Variants in LINGO2 observed in about 807,000 individuals in gnomAD.
LINGO2 encodes the protein leucine-rich repeat and immunoglobulin-like domain-containing nogo receptor-interacting protein 2.
Under a neutral mutation model 30.6 loss-of-function variants are expected in LINGO2, and 14 were observed. That is an observed-to-expected ratio of 0.46 (90% CI 0.30 to 0.72). LINGO2 has a LOEUF of 0.72. LINGO2 is among the 30% of genes least tolerant of loss of function. The pLI, the probability that LINGO2 is intolerant of heterozygous loss-of-function variation, is 0.07. For synonymous variants in LINGO2, 317 were observed against 288.5 expected, an observed-to-expected ratio of 1.10 and a Z score of -1.00; for missense variants, 729 against 751.7, an observed-to-expected ratio of 0.97 and a Z score of 0.35.
chr9:29,105,636 GA>G, the LINGO2 span, among the ~76,000 whole-genome samples: 1 of 152,194 alleles, frequency 6.6e-6, no homozygotes, highest in East Asian at 1.9e-4. Context: ...CCAATCAACT[GA>G]TTTTGAGCTA....
intron 1 of LINGO2, among the ~76,000 whole-genome samples, chr9:28,488,654 T>C (rs1278518430): frequency 6.6e-6 from 1 of 152,180 alleles, no homozygotes; most frequent in Non-Finnish European, 1.5e-5. Flanking sequence ...AGTTTTTTTG[T>C]GTATTTGGAA....
chr9:28,924,283 C>T, the LINGO2 span, among the ~76,000 whole-genome samples: 60 of 152,208 alleles, frequency 3.9e-4, no homozygotes, highest in African/African-American at 1.4e-3. Context: ...AACAGTGGTG[C>T]AATCTCAGCT....
At chr9:28,498,069 C>G (rs1254047782) in intron 1 of LINGO2, among the ~76,000 whole-genome samples, 1 of 152,152 alleles carries the variant, frequency 6.6e-6, no homozygotes, top group Non-Finnish European at 1.5e-5. Flanking sequence ...TCTGCCCCTA[C>G]TCGGGGGTGC....
the LINGO2 span, among the ~76,000 whole-genome samples, chr9:29,078,768 T>G: frequency 6.6e-6 from 1 of 151,988 alleles, no homozygotes; most frequent in Admixed American, 6.6e-5. Context: ...AATAGACATA[T>G]GGCTTCTGTG....
the LINGO2 span, among the ~76,000 whole-genome samples, chr9:29,102,983 G>C: frequency 1.3e-5 from 2 of 151,706 alleles, no homozygotes; most frequent in African/African-American, 4.8e-5. Context: ...GCTGAAGATG[G>C]AAATGATAAT....
chr9:28,170,357 C>T (rs570827797), intron 4 of LINGO2, among the ~76,000 whole-genome samples: 7 of 152,086 alleles, frequency 4.6e-5, no homozygotes, highest in African/African-American at 9.7e-5. Context: ...CAGCTTCCAC[C>T]GGCATGTAAG....
the LINGO2 span, among the ~76,000 whole-genome samples, chr9:28,999,505 T>A: frequency 6.6e-6 from 1 of 152,070 alleles, no homozygotes; most frequent in Admixed American, 6.6e-5. Flanking sequence ...AAATATTGAC[T>A]AATAAACTAT....
At chr9:28,055,447 G>C (rs1054914564) in intron 4 of LINGO2, among the ~76,000 whole-genome samples, 6 of 152,128 alleles carry the variant, frequency 3.9e-5, no homozygotes, top group East Asian at 1.9e-4. Context: ...GGCATTTGCA[G>C]CAAGTCTGTT....
the LINGO2 span, among the ~76,000 whole-genome samples, chr9:28,964,734 A>G: frequency 6.6e-6 from 1 of 152,002 alleles, no homozygotes; most frequent in Non-Finnish European, 1.5e-5. Flanking sequence ...GAACATGAGG[A>G]AACAGAGTAG....
At chr9:28,857,819 G>A in the LINGO2 span, among the ~76,000 whole-genome samples, 1 of 151,858 alleles carries the variant, frequency 6.6e-6, no homozygotes. Context: ...TTTTTACACT[G>A]ATTGTTGAAA....
At chr9:28,833,219 C>G in the LINGO2 span, among the ~76,000 whole-genome samples, 1 of 152,144 alleles carries the variant, frequency 6.6e-6, no homozygotes, top group African/African-American at 2.4e-5. Flanking sequence ...CAGTGAACCC[C>G]TTGACTTTTG....
At chr9:28,946,327 A>G in the LINGO2 span, among the ~76,000 whole-genome samples, 1 of 152,182 alleles carries the variant, frequency 6.6e-6, no homozygotes, top group Non-Finnish European at 1.5e-5. Context: ...AACTTTTAAA[A>G]TCAATCCGAA....
intron 4 of LINGO2, among the ~76,000 whole-genome samples, chr9:28,048,643 T>C (rs1824531162): frequency 6.6e-6 from 1 of 150,856 alleles, no homozygotes. Flanking sequence ...GAATTTCTAA[T>C]TATTCAACAA....
At chr9:28,898,232 T>C in the LINGO2 span, among the ~76,000 whole-genome samples, 1 of 152,138 alleles carries the variant, frequency 6.6e-6, no homozygotes, top group East Asian at 1.9e-4. Context: ...GATAAGACAA[T>C]AGACCAAATC....
At chr9:29,208,231 G>T in the LINGO2 span, among the ~76,000 whole-genome samples, 7 of 151,936 alleles carry the variant, frequency 4.6e-5, no homozygotes, top group African/African-American at 1.7e-4. Flanking sequence ...ATACTCACAA[G>T]AAGAAGAAAA....
chr9:29,186,225 A>G, the LINGO2 span, among the ~76,000 whole-genome samples: 1 of 152,176 alleles, frequency 6.6e-6, no homozygotes, highest in South Asian at 2.1e-4. Context: ...AATTATTACT[A>G]TTTTTAACAA....
intron 3 of LINGO2, among the ~76,000 whole-genome samples, chr9:28,347,642 G>A (rs772586199): frequency 2.4e-4 from 36 of 152,074 alleles, no homozygotes; most frequent in Non-Finnish European, 3.7e-4. Context: ...TTACATGTTC[G>A]AATAAGCTAA....
the LINGO2 span, among the ~76,000 whole-genome samples, chr9:28,952,820 T>C: frequency 2.0e-5 from 3 of 152,162 alleles, no homozygotes; most frequent in Non-Finnish European, 4.4e-5. Flanking sequence ...CGCATGCCCA[T>C]AGAATTAAAA....
intron 4 of LINGO2, among the ~76,000 whole-genome samples, chr9:28,292,608 G>A (rs868413653): frequency 6.6e-6 from 1 of 151,920 alleles, no homozygotes; most frequent in African/African-American, 2.4e-5. Flanking sequence ...GATTACAGGT[G>A]TCTGCTACCA....
Sources: gnomAD v4.1 joint callset for allele counts (sites outside exome capture counted in the v4.1 genomes callset) on GRCh38, gnomAD v4.1.1 for gene constraint, MANE v1.5 for transcripts, NCBI Gene and HGNC (gene_info 2026-07-23, HGNC 2026-07-21) for gene names.